The following CCDC158 variants were observed in gnomAD, a reference collection of about 807,000 sequenced individuals.
CCDC158 encodes the protein coiled-coil domain containing 158, also known as coiled-coil domain-containing protein 158.
CCDC158 carries 116 observed loss-of-function variants against 138.6 expected under a neutral mutation model. The observed-to-expected ratio is 0.84, with a 90% CI of 0.72 to 0.98. CCDC158 has a LOEUF of 0.98. Among genes scored for constraint, CCDC158 ranks in the 50% least tolerant of loss-of-function variants. CCDC158 has a pLI of 0.00. For synonymous variants in CCDC158, 436 were observed against 442.4 expected, an observed-to-expected ratio of 0.99 and a Z score of 0.18; for missense variants, 1,265 against 1,306.1, an observed-to-expected ratio of 0.97 and a Z score of 0.48.
chr4:76,393,791 C>T lies in CCDC158; in HGVS notation c.288+2478G>A, dbSNP rs559951097. Among the ~76,000 whole-genome samples the T allele has an allele frequency of 3.2e-4, 49 of 152,018 alleles. 2 individuals carry two copies. In the South Asian group the frequency reaches 9.5e-3, roughly 30 times the overall value. ...CTCAAACAACTCTATAGGAAAAAATCTAGTAATCTGATTAAAAATAGGCAA... is the reference window on the plus strand; with the variant it reads ...CTCAAACAACTCTATAGGAAAAAATTTAGTAATCTGATTAAAAATAGGCAA... On this transcript the variant is annotated intron_variant, in intron 4 of 24. Transcript: ENST00000682701.
In CCDC158 at chr4:76,367,486, C is replaced by T; in HGVS notation, c.1638G>A (p.Val546=). 4 of 1,614,232 alleles carry T rather than the reference C, an allele frequency of 2.5e-6. No homozygotes were observed. The highest frequency in any genetic ancestry group is 3.4e-6 in the Non-Finnish European group (4 of 1,180,050). The change falls in exon 12 of 25, where the codon GTG becomes GTA. Residue 546 remains valine (V), a synonymous_variant. Coordinates refer to ENST00000682701, the MANE Select transcript of CCDC158 (RefSeq NM_001394954.1). ...GTTTGAGGGCCTCACATTCTGTCTGCACATTTCTGAGATGATCCCCTTCAT... is the reference window on the plus strand; with the variant it reads ...GTTTGAGGGCCTCACATTCTGTCTGTACATTTCTGAGATGATCCCCTTCAT... ...LKNEGDHLRN[V]QTECEALKLQ...
At chr4:76,340,898 G>A (rs895851720) in intron 18 of CCDC158, among the ~76,000 whole-genome samples, 3 of 152,190 alleles carry the variant, frequency 2.0e-5, no homozygotes, top group South Asian at 2.1e-4. Flanking sequence ...TGCCAAAAAG[G>A]TTGGGAACTG....
intron 1 of CCDC158, among the ~76,000 whole-genome samples, 153 bp downstream of exon 1, chr4:76,420,812 A>G (rs1412360779): frequency 6.6e-6 from 1 of 152,180 alleles, no homozygotes; most frequent in Non-Finnish European, 1.5e-5. Flanking sequence ...AGCTCATTCC[A>G]GTAAAGAAAC....
intron 20 of CCDC158, among the ~76,000 whole-genome samples, chr4:76,331,857 G>A (rs1165153494): frequency 6.6e-6 from 1 of 152,134 alleles, no homozygotes; most frequent in Non-Finnish European, 1.5e-5. Context: ...TCAAGTAATA[G>A]CTATAGTGTC....
At chr4:76,319,091 T>C (rs1719696005) in intron 24 of CCDC158, among the ~76,000 whole-genome samples, 1 of 151,990 alleles carries the variant, frequency 6.6e-6, no homozygotes, top group African/African-American at 2.4e-5. Flanking sequence ...GCTAACACAG[T>C]GAAACCCTGT....
chr4:76,421,331 G>A (rs1350474934), upstream of CCDC158, among the ~76,000 whole-genome samples: 1 of 152,052 alleles, frequency 6.6e-6, no homozygotes, highest in Non-Finnish European at 1.5e-5. Flanking sequence ...GCCGTCGCTG[G>A]GGCATCCGAG....
chr4:76,394,058 A>C (rs1036076686), intron 4 of CCDC158, among the ~76,000 whole-genome samples: 1 of 152,060 alleles, frequency 6.6e-6, no homozygotes, highest in Non-Finnish European at 1.5e-5. Context: ...AGCCACTATA[A>C]AGAACAGTTT....
chr4:76,410,386 T>C (rs2109902905), intron 2 of CCDC158, among the ~76,000 whole-genome samples: 1 of 152,260 alleles, frequency 6.6e-6, no homozygotes, highest in Middle Eastern at 3.4e-3. Context: ...GGTTTCACCA[T>C]GTTGGCCAGG....
At chr4:76,330,279 G>A (rs1316997016) in intron 21 of CCDC158, among the ~76,000 whole-genome samples, 2 of 152,120 alleles carry the variant, frequency 1.3e-5, no homozygotes, top group East Asian at 3.9e-4. Flanking sequence ...GTATGACTTT[G>A]ACAAGTTGCT....
chr4:76,398,860 GTTATAAAT>G (rs1728072393), intron 3 of CCDC158, among the ~76,000 whole-genome samples: 2 of 151,832 alleles, frequency 1.3e-5, no homozygotes. Context: ...AGAGCGAATG[GTTATAAAT>G]TTAAAGAGAA....
chr4:76,367,167 A>T, intron 12 of CCDC158, 127 bp downstream of exon 12: 1 of 1,009,758 alleles, frequency 9.9e-7, no homozygotes, highest in East Asian at 2.4e-5. Flanking sequence ...ACACATATAC[A>T]CATAGAAACA....
chr4:76,329,360 T>A lies in CCDC158; in HGVS notation c.2943-393A>T, dbSNP rs553259238. On this transcript the variant is annotated intron_variant, in intron 21 of 24. Coordinates refer to ENST00000682701, the MANE Select transcript of CCDC158 (RefSeq NM_001394954.1). ...CAGCACTTTCGGAGGCTGACGCAGG[T>A]GGATCATGAGGTCAAGAGATAGAGA... Among the ~76,000 whole-genome samples, 17 of 152,012 alleles carry A rather than the reference T, an allele frequency of 1.1e-4. No individual in the cohort carries two copies. In the South Asian group the frequency reaches 3.5e-3, roughly 32 times the overall value.
At chr4:76,374,936 TCCAGCCCCCTGCAGG>T in intron 9 of CCDC158, among the ~76,000 whole-genome samples, 1 of 152,302 alleles carries the variant, frequency 6.6e-6, no homozygotes, top group Non-Finnish European at 1.5e-5. Context: ...AAGAAGTTCC[TCCAGCCCCCTGCAGG>T]AACATTTGTT....
At chr4:76,338,944 G>T (rs1362939026) in intron 18 of CCDC158, among the ~76,000 whole-genome samples, 2 of 152,164 alleles carry the variant, frequency 1.3e-5, no homozygotes, top group African/African-American at 2.4e-5. Flanking sequence ...CCAACGAAAA[G>T]AAAGCTGCAT....
At chr4:76,372,454 G>C (rs952312672) in intron 9 of CCDC158, among the ~76,000 whole-genome samples, 1 of 152,072 alleles carries the variant, frequency 6.6e-6, no homozygotes. Flanking sequence ...AAAAAAGGAA[G>C]CTTGATATGG....
intron 18 of CCDC158, among the ~76,000 whole-genome samples, chr4:76,347,404 G>A (rs1472851338): frequency 6.6e-6 from 1 of 152,088 alleles, no homozygotes; most frequent in African/African-American, 2.4e-5. Context: ...TATGTCCTTT[G>A]CAGGGACATG....
intron 23 of CCDC158, among the ~76,000 whole-genome samples, chr4:76,324,814 C>T (rs560250123): frequency 6.6e-6 from 1 of 152,248 alleles, no homozygotes; most frequent in East Asian, 1.9e-4. Context: ...TCCTGTTCAT[C>T]CTTTCTGAGG....
chr4:76,341,778 T>A (rs1722071594), intron 18 of CCDC158, among the ~76,000 whole-genome samples: 1 of 152,204 alleles, frequency 6.6e-6, no homozygotes, highest in African/African-American at 2.4e-5. Context: ...TTGGGCCAAA[T>A]CACATAATAT....
rs115403241 is a variant in CCDC158, at chr4:76,388,369, G to A, written c.289-3704C>T. ...CAGAAGGGAACCTAGTGCCCTAAAG[G>A]GTGAGTTCCAGGCCTGGCAACATTC... On this transcript the variant is annotated intron_variant, in intron 4 of 24. Coordinates refer to ENST00000682701, the MANE Select transcript of CCDC158 (RefSeq NM_001394954.1). 4.4e-3 allele frequency among the ~76,000 whole-genome samples: 666 copies of A among 152,136 alleles called. 4 individuals are homozygous for A. The highest frequency in any genetic ancestry group is 0.015 in the African/African-American group (610 of 41,494).
Sources: gnomAD v4.1 joint callset for allele counts (sites outside exome capture counted in the v4.1 genomes callset) on GRCh38, gnomAD v4.1.1 for gene constraint, MANE v1.5 for transcripts, NCBI Gene and HGNC (gene_info 2026-07-23, HGNC 2026-07-21) for gene names.